The following LDLRAD4 variants were observed in gnomAD, a reference collection of about 807,000 sequenced individuals.
LDLRAD4 encodes the protein low-density lipoprotein receptor class A domain-containing protein 4.
A neutral mutation model predicts 17.0 loss-of-function variants in LDLRAD4; 5 were observed. That is an observed-to-expected ratio of 0.29 (90% CI 0.15 to 0.62). The LOEUF is 0.62. Among genes scored for constraint, LDLRAD4 ranks in the 20% least tolerant of loss-of-function variants. The probability of loss-of-function intolerance (pLI) is 0.84; values close to 1 mark genes in which losing one functional copy is unlikely to be tolerated. For synonymous variants in LDLRAD4, 168 were observed against 171.8 expected, an observed-to-expected ratio of 0.98 and a Z score of 0.17; for missense variants, 340 against 424.7, an observed-to-expected ratio of 0.80 and a Z score of 1.75.
exon 3 of LDLRAD4, chr18:13,438,371 G>A (rs747005823): frequency 2.2e-5 from 35 of 1,613,824 alleles, no homozygotes; most frequent in Non-Finnish European, 2.9e-5. Flanking sequence ...ACCCGCCTCC[G>A]GGCATCTTCA....
intron 1 of LDLRAD4, among the ~76,000 whole-genome samples, chr18:13,310,170 C>T (rs940252563): frequency 2.5e-5 from 3 of 119,118 alleles, no homozygotes; most frequent in African/African-American, 9.5e-5. Flanking sequence ...CATAGTGAGA[C>T]CCCTGTCTCT....
At chr18:13,284,335 C>T (rs1384377370) in intron 1 of LDLRAD4, among the ~76,000 whole-genome samples, 2 of 152,144 alleles carry the variant, frequency 1.3e-5, no homozygotes, top group East Asian at 1.9e-4. Context: ...TTGTTGGATT[C>T]TGTCTTCTGT....
At chr18:13,528,349 G>A (rs1007229970) in intron 3 of LDLRAD4, among the ~76,000 whole-genome samples, 3 of 152,216 alleles carry the variant, frequency 2.0e-5, no homozygotes, top group Admixed American at 2.0e-4. Flanking sequence ...GTCTTGCTCT[G>A]TCGCCCAGGC....
intron 1 of LDLRAD4, among the ~76,000 whole-genome samples, chr18:13,313,938 CAG>C (rs1284588474): frequency 6.6e-6 from 1 of 152,058 alleles, no homozygotes; most frequent in Non-Finnish European, 1.5e-5. Flanking sequence ...GTTGTGATGT[CAG>C]AAAGAGAGGG....
chr18:13,434,533 C>T (rs1384397554), intron 2 of LDLRAD4, among the ~76,000 whole-genome samples: 1 of 152,140 alleles, frequency 6.6e-6, no homozygotes, highest in Non-Finnish European at 1.5e-5. Context: ...CAGAAATACT[C>T]AACAAGTTCC....
chr18:13,234,321 A>C (rs1489629732), intron 1 of LDLRAD4, among the ~76,000 whole-genome samples: 2 of 152,118 alleles, frequency 1.3e-5, no homozygotes, highest in African/African-American at 4.8e-5. Context: ...GGGTGCGCAC[A>C]TTAGTCGCCT....
chr18:13,510,185 A>C (rs949351017), intron 3 of LDLRAD4, among the ~76,000 whole-genome samples: 4 of 152,212 alleles, frequency 2.6e-5, no homozygotes, highest in African/African-American at 9.6e-5. Context: ...TAACTAAATC[A>C]TGGGAACTGA....
chr18:13,637,771 C>T (rs1024754030), intron 4 of LDLRAD4, among the ~76,000 whole-genome samples: 5 of 151,184 alleles, frequency 3.3e-5, no homozygotes, highest in African/African-American at 1.2e-4. Context: ...GAGGCTGAGG[C>T]AGGAGAATCG....
At chr18:13,481,588 C>T (rs2093086100) in intron 3 of LDLRAD4, among the ~76,000 whole-genome samples, 1 of 152,158 alleles carries the variant, frequency 6.6e-6, no homozygotes, top group Non-Finnish European at 1.5e-5. Flanking sequence ...GTCCCCCAGT[C>T]TCCACCCCCT....
At chr18:13,537,243 G>A (rs184982688) in intron 3 of LDLRAD4, among the ~76,000 whole-genome samples, 3 of 152,150 alleles carry the variant, frequency 2.0e-5, no homozygotes, top group African/African-American at 7.2e-5. Flanking sequence ...ACAGAAGGGG[G>A]TAGGTGTACT....
intron 1 of LDLRAD4, among the ~76,000 whole-genome samples, chr18:13,286,365 A>G (rs1599128878): frequency 6.6e-6 from 1 of 152,308 alleles, no homozygotes; most frequent in East Asian, 1.9e-4. Context: ...GTCAAACTAT[A>G]GAGTTTTGTT....
At chr18:13,265,674 A>C (rs1475524935) in intron 1 of LDLRAD4, among the ~76,000 whole-genome samples, 1 of 152,082 alleles carries the variant, frequency 6.6e-6, no homozygotes, top group Non-Finnish European at 1.5e-5. Context: ...CTCCCCAGGC[A>C]CGTTTCCGAG....
At chr18:13,519,531 C>A (rs138036728) in intron 3 of LDLRAD4, among the ~76,000 whole-genome samples, 1 of 152,156 alleles carries the variant, frequency 6.6e-6, no homozygotes, top group South Asian at 2.1e-4. Context: ...AAGGCCGAGG[C>A]GGGCAGATTG....
At chr18:13,234,277 G>A (rs948869054) in intron 1 of LDLRAD4, among the ~76,000 whole-genome samples, 1 of 152,154 alleles carries the variant, frequency 6.6e-6, no homozygotes, top group African/African-American at 2.4e-5. Context: ...TCGCCGCACA[G>A]GCCTCTGTGG....
chr18:13,567,183 CTA>C (rs2094614776), intron 3 of LDLRAD4, among the ~76,000 whole-genome samples: 1 of 152,218 alleles, frequency 6.6e-6, no homozygotes, highest in Non-Finnish European at 1.5e-5. Flanking sequence ...ACTAGTTTAA[CTA>C]TGACGTGCAT....
intron 3 of LDLRAD4, chr18:13,612,577 C>T (rs754344588): frequency 6.0e-6 from 9 of 1,512,008 alleles, no homozygotes; most frequent in Non-Finnish European, 7.1e-6. Context: ...CACACTCTCC[C>T]ACACCCCATG....
Position 13,287,319 on chromosome 18 carries a change from T to A in LDLRAD4, c.-383+9131T>A, listed in dbSNP as rs139461626. On this transcript the variant is annotated intron_variant, in intron 1 of 5. Coordinates refer to ENST00000359446, the Ensembl canonical transcript of LDLRAD4. ...TTATTATAGTATAATCAGGATGATC[T>A]GTTCTGTTATCAAGTTTTTGTTTGT... Among the ~76,000 whole-genome samples the A allele has an allele frequency of 3.9e-3, 599 of 152,368 alleles. 1 individual carries two copies. The highest frequency in any genetic ancestry group is 6.4e-3 in the Non-Finnish European group (435 of 68,034).
intron 3 of LDLRAD4, among the ~76,000 whole-genome samples, chr18:13,559,023 A>G (rs1056712311): frequency 6.6e-5 from 10 of 152,174 alleles, no homozygotes; most frequent in African/African-American, 2.4e-4. Flanking sequence ...TAGACGTGCC[A>G]CCGGCAGCAC....
At chr18:13,419,828 G>GGAT (rs1443501721) in intron 2 of LDLRAD4, 2 of 152,162 alleles carry the variant, frequency 1.3e-5, no homozygotes, top group African/African-American at 4.8e-5. Flanking sequence ...GTAGAAGACT[G>GGAT]GATGTACCCT....
Sources: allele counts gnomAD v4.1 joint callset (sites outside exome capture counted in the v4.1 genomes callset), GRCh38; gene constraint gnomAD v4.1.1; transcripts MANE v1.5; gene names NCBI Gene and HGNC (gene_info 2026-07-23, HGNC 2026-07-21).